The following ADAMTS3 variants were observed in gnomAD, a reference collection of about 807,000 sequenced individuals.
ADAMTS3 encodes A disintegrin and metalloproteinase with thrombospondin motifs 3.
Under a neutral mutation model 129.0 loss-of-function variants are expected in ADAMTS3, and 73 were observed. The observed-to-expected ratio is 0.57, with a 90% CI of 0.47 to 0.69. ADAMTS3 has a LOEUF of 0.69. Ranked by LOEUF, ADAMTS3 falls within the 30% of genes least tolerant of loss-of-function variation. ADAMTS3 has a pLI of 0.00. For synonymous variants in ADAMTS3, 477 were observed against 510.8 expected (o/e 0.93, Z 0.89); for missense variants, 1,457 against 1,514.5 (o/e 0.96, Z 0.63).
chr4:72,409,537 G>A (rs574631158), intron 4 of ADAMTS3, among the ~76,000 whole-genome samples: 144 of 149,670 alleles, frequency 9.6e-4, no homozygotes, highest in Middle Eastern at 3.4e-3. Context: ...CACATTTTGC[G>A]TCTTTTCATC....
At chr4:72,402,022 TC>T (rs1162375394) in intron 4 of ADAMTS3, among the ~76,000 whole-genome samples, 2 of 152,234 alleles carry the variant, frequency 1.3e-5, no homozygotes, top group Non-Finnish European at 2.9e-5. Context: ...GAAAACAGCA[TC>T]AAGGTAATAT....
At chr4:72,384,482 C>G (rs897880087) in intron 4 of ADAMTS3, among the ~76,000 whole-genome samples, 16 of 152,092 alleles carry the variant, frequency 1.1e-4, no homozygotes, top group African/African-American at 3.9e-4. Context: ...TCATCAAAAA[C>G]AATGAAGGCC....
chr4:72,404,565 C>CA (rs1338100353), intron 4 of ADAMTS3, among the ~76,000 whole-genome samples: 7 of 151,646 alleles, frequency 4.6e-5, no homozygotes, highest in African/African-American at 1.7e-4. Context: ...TAGGAGAAAG[C>CA]AAAAAAACTT....
chr4:72,421,109 T>C (rs1048749596), intron 3 of ADAMTS3, among the ~76,000 whole-genome samples: 8 of 152,244 alleles, frequency 5.3e-5, no homozygotes, highest in Admixed American at 5.2e-4. Context: ...AGGAAATTCC[T>C]AAAATCTAAA....
chr4:72,325,495 T>G (rs59514754), intron 5 of ADAMTS3, among the ~76,000 whole-genome samples: 6,116 of 152,278 alleles, frequency 0.04, 398 homozygotes, highest in African/African-American at 0.14. Context: ...AGGCTTCTTG[T>G]AAGGCAGCTG....
intron 4 of ADAMTS3, among the ~76,000 whole-genome samples, chr4:72,376,356 T>C (rs918200186): frequency 6.6e-6 from 1 of 152,164 alleles, no homozygotes; most frequent in Non-Finnish European, 1.5e-5. Context: ...GTTTCTTTTA[T>C]AAGGGCACTA....
At chr4:72,528,922 A>G (rs1720885908) in intron 3 of ADAMTS3, among the ~76,000 whole-genome samples, 1 of 152,136 alleles carries the variant, frequency 6.6e-6, no homozygotes. Context: ...CCCCAACAAT[A>G]AATGTACATA....
At chr4:72,406,424 C>T (rs74786227) in intron 4 of ADAMTS3, among the ~76,000 whole-genome samples, 5,552 of 152,144 alleles carry the variant, frequency 0.036, 125 homozygotes, top group Non-Finnish European at 0.048. Flanking sequence ...TATCCTTGAA[C>T]ATTTGTAAAG....
At chr4:72,449,233 C>T (rs1329667305) in intron 3 of ADAMTS3, among the ~76,000 whole-genome samples, 1 of 151,534 alleles carries the variant, frequency 6.6e-6, no homozygotes, top group African/African-American at 2.4e-5. Context: ...GTTTTTAACA[C>T]CTAAATCTGT....
intron 2 of ADAMTS3, among the ~76,000 whole-genome samples, chr4:72,566,235 T>C (rs569326353): frequency 2.0e-5 from 3 of 152,202 alleles, no homozygotes; most frequent in East Asian, 1.9e-4. Context: ...TTTTGATATA[T>C]GCTCATATAT....
chr4:72,286,283 A>G (rs1229987855), intron 21 of ADAMTS3, among the ~76,000 whole-genome samples: 9 of 152,234 alleles, frequency 5.9e-5, no homozygotes, highest in Non-Finnish European at 1.3e-4. Flanking sequence ...ACATAAGAAT[A>G]AAATATTCTG....
At chr4:72,370,296 T>C (rs934869884) in intron 4 of ADAMTS3, among the ~76,000 whole-genome samples, 2 of 152,188 alleles carry the variant, frequency 1.3e-5, no homozygotes, top group African/African-American at 4.8e-5. Context: ...GAATCCTCCA[T>C]AGTCTGGTGA....
At chr4:72,406,624 A>G (rs989129234) in intron 4 of ADAMTS3, among the ~76,000 whole-genome samples, 1 of 152,210 alleles carries the variant, frequency 6.6e-6, no homozygotes, top group African/African-American at 2.4e-5. Flanking sequence ...TGAAAGGAAG[A>G]AATGGGAACG....
At chr4:72,299,085 G>GTGTT (rs1718887894) in intron 17 of ADAMTS3, among the ~76,000 whole-genome samples, 1 of 149,298 alleles carries the variant, frequency 6.7e-6, no homozygotes. Flanking sequence ...GTGTGTGTGT[G>GTGTT]TGTGTGTGTG....
chr4:72,444,822 A>G (rs2109963926), intron 3 of ADAMTS3, among the ~76,000 whole-genome samples: 1 of 151,920 alleles, frequency 6.6e-6, no homozygotes, highest in East Asian at 2.0e-4. Flanking sequence ...AAGAATGGGT[A>G]AATAAAATAT....
At chr4:72,509,028 T>A (rs545009262) in intron 3 of ADAMTS3, among the ~76,000 whole-genome samples, 37 of 152,016 alleles carry the variant, frequency 2.4e-4, no homozygotes, top group Admixed American at 4.6e-4. Flanking sequence ...GAATGACCAG[T>A]GGGTCAATAA....
In ADAMTS3 at chr4:72,318,428, C is replaced by T. The variant is rs1578577609; in HGVS notation, c.1485+144G>A. 3.2e-5 allele frequency: 25 copies of T among 773,978 alleles called. No homozygotes were observed. The East Asian group carries it at 3.5e-4, about 11-fold the overall frequency. The allele number at this position is 773,978 out of a possible 1,614,324, so 47.9% of individuals were successfully genotyped here. On this transcript the variant is annotated intron_variant, in intron 10 of 21. Transcript: ENST00000286657. ...AAGACAATATATTTAAAGCATTTAG[C>T]TGTAGCACACAGCAACACAATGAAC...
chr4:72,449,757 T>A (rs552584100), intron 3 of ADAMTS3, among the ~76,000 whole-genome samples: 1 of 151,850 alleles, frequency 6.6e-6, no homozygotes, highest in Admixed American at 6.6e-5. Flanking sequence ...CTTCTTCCCA[T>A]CTGTTTTGTC....
At chr4:72,437,069 A>T (rs1490044871) in intron 3 of ADAMTS3, among the ~76,000 whole-genome samples, 1 of 151,852 alleles carries the variant, frequency 6.6e-6, no homozygotes, top group Non-Finnish European at 1.5e-5. Context: ...TCAAATGTTG[A>T]GTTTGCTCAA....
Sources: gnomAD v4.1 joint callset for allele counts (sites outside exome capture counted in the v4.1 genomes callset) on GRCh38, gnomAD v4.1.1 for gene constraint, MANE v1.5 for transcripts, NCBI Gene and HGNC (gene_info 2026-07-23, HGNC 2026-07-21) for gene names.